Variants in PDE3A observed in about 807,000 individuals in gnomAD.
PDE3A encodes phosphodiesterase 3A, also known as cGMP-inhibited 3',5'-cyclic phosphodiesterase 3A.
In PDE3A, 43 loss-of-function variants were observed where a neutral mutation model predicts 98.3. The observed-to-expected ratio is 0.44, with a 90% CI of 0.34 to 0.56. PDE3A has a LOEUF of 0.56. PDE3A is among the 20% of genes least tolerant of loss of function. The pLI is 0.01. For synonymous variants in PDE3A, 663 were observed against 567.9 expected (o/e 1.17, Z -2.38); for missense variants, 1,427 against 1,440.7 (o/e 0.99, Z 0.15).
intron 1 of PDE3A, among the ~76,000 whole-genome samples, chr12:20,432,314 T>C (rs1453055769): frequency 6.6e-6 from 1 of 152,010 alleles, no homozygotes; most frequent in African/African-American, 2.4e-5. Flanking sequence ...GAGGGTGAAA[T>C]GGGGAGGTGT....
chr12:20,447,282 C>T (rs750669833), intron 1 of PDE3A, among the ~76,000 whole-genome samples: 1 of 152,186 alleles, frequency 6.6e-6, no homozygotes, highest in Non-Finnish European at 1.5e-5. Context: ...TGTATTTGGT[C>T]TTCATCCCTG....
intron 2 of PDE3A, among the ~76,000 whole-genome samples, chr12:20,567,466 C>A (rs1276224951): frequency 6.6e-6 from 1 of 151,964 alleles, no homozygotes; most frequent in East Asian, 1.9e-4. Context: ...TATTGTAGGA[C>A]AGCATATTAT....
At chr12:20,452,619 A>G (rs1273928730) in intron 1 of PDE3A, among the ~76,000 whole-genome samples, 1 of 152,188 alleles carries the variant, frequency 6.6e-6, no homozygotes, top group Non-Finnish European at 1.5e-5. Context: ...AACATTTGCT[A>G]TATTTGTTTG....
Position 20,552,060 on chromosome 12 carries a change from A to C in PDE3A, c.961-4600A>C. ...ACGTGGACCATGGGAATTTTTTCAC[A>C]TACACGGGTAGTGGTGGTCGAGAGC... On this transcript the variant is annotated intron_variant, in intron 1 of 15. Transcript: ENST00000359062. The surrounding 1 kb of genome is among the most constrained non-coding windows in gnomAD (Gnocchi z 5.1). The C allele has an allele frequency of 2.5e-6, 4 of 1,612,386 alleles. No homozygotes were observed. The highest frequency in any genetic ancestry group is 3.4e-6 in the Non-Finnish European group (4 of 1,179,892).
Position 20,369,361 on chromosome 12 carries a change from G to A in PDE3A, c.77G>A (p.Gly26Asp). ...GGGGTGAGTCAAGCCCCCACGGCGG[G>A]CCGGGACTGCCACCATCGTGCGGAC... ...HSGVSQAPTAGRDCHHRADPA... is the reference protein window; with the variant it reads ...HSGVSQAPTADRDCHHRADPA... The change falls in exon 1 of 16, where the codon GGC becomes GAC. Residue 26 changes from glycine (G) to aspartate (D), a missense_variant. By Grantham distance (94) the Gly-to-Asp change is moderately conservative (BLOSUM62 -1). Coordinates refer to ENST00000359062, the MANE Select transcript of PDE3A (RefSeq NM_000921.5). The A allele has an allele frequency of 1.9e-6, 3 of 1,549,006 alleles. No homozygotes were observed. Among genetic ancestry groups the A allele is most frequent in the Non-Finnish European group, 2.6e-6 (3 of 1,146,764 alleles).
intron 1 of PDE3A, among the ~76,000 whole-genome samples, chr12:20,471,893 A>G (rs1945445793): frequency 1.3e-5 from 2 of 152,128 alleles, no homozygotes. Flanking sequence ...TCAGGATGTA[A>G]ATGAAATGGT....
In PDE3A at chr12:20,527,493, A is replaced by T. The variant is rs1206597822; in HGVS notation, c.961-29167A>T. ...AATAGAAAGGCTATGAGCTTGATGC[A>T]CAGTTTCTTTTCTTTTTCCTGGGTC... On this transcript the variant is annotated intron_variant, in intron 1 of 15. Transcript: ENST00000359062. Among the ~76,000 whole-genome samples the T allele has an allele frequency of 2.0e-5, 3 of 152,084 alleles. No homozygotes were observed. The East Asian group carries it at 5.8e-4, about 29-fold the overall frequency.
At chr12:20,606,051 T>C (rs1361652985) in intron 2 of PDE3A, among the ~76,000 whole-genome samples, 2 of 152,194 alleles carry the variant, frequency 1.3e-5, no homozygotes, top group Non-Finnish European at 2.9e-5. Context: ...TATCAAGAAT[T>C]GGATGCATTA....
intron 2 of PDE3A, among the ~76,000 whole-genome samples, chr12:20,590,209 G>A (rs55729847): frequency 0.13 from 20,210 of 151,860 alleles, 1,521 homozygotes; most frequent in East Asian, 0.29. Flanking sequence ...CTGCTGCTGA[G>A]TGTATTCATT....
chr12:20,633,745 A>C lies in PDE3A; in HGVS notation c.1813A>C (p.Ser605Arg), dbSNP rs759431662. Reference protein sequence around the residue: ...GNPADEPLERSGVATRTPSRT... With the variant: ...GNPADEPLERRGVATRTPSRT... ...TCCTGCTGATGAGCCCCTGGAGAGA[A>C]GTGGGGTAGCCACTCGGACACCAAG... The change falls in exon 7 of 16, where the codon AGT (serine) becomes CGT (arginine). Residue 605 changes from serine to arginine, a missense_variant. Coordinates refer to ENST00000359062, the MANE Select transcript of PDE3A (RefSeq NM_000921.5). 2 of 1,610,254 alleles carry C rather than the reference A, an allele frequency of 1.2e-6. No individual in the cohort carries two copies. Among genetic ancestry groups the C allele is most frequent in the Admixed American group, 3.4e-5 (2 of 59,398 alleles).
intron 1 of PDE3A, among the ~76,000 whole-genome samples, chr12:20,512,395 T>C (rs1279038716): frequency 6.6e-6 from 1 of 152,110 alleles, no homozygotes; most frequent in Non-Finnish European, 1.5e-5. Flanking sequence ...TTGAAGCTGC[T>C]CTTATACCAA....
intron 1 of PDE3A, among the ~76,000 whole-genome samples, chr12:20,375,858 G>C (rs1352112377): frequency 6.6e-6 from 1 of 151,840 alleles, no homozygotes; most frequent in Non-Finnish European, 1.5e-5. Flanking sequence ...CTGGCTCCAG[G>C]ACTCATTCAT....
At chr12:20,627,272 C>A (rs1237813717) in intron 5 of PDE3A, among the ~76,000 whole-genome samples, 2 of 151,814 alleles carry the variant, frequency 1.3e-5, no homozygotes, top group Non-Finnish European at 2.9e-5. Context: ...ACAGCAATTA[C>A]TTTTAATTGC....
At chr12:20,404,268 CA>C (rs900381456) in intron 1 of PDE3A, among the ~76,000 whole-genome samples, 4 of 151,924 alleles carry the variant, frequency 2.6e-5, no homozygotes, top group African/African-American at 7.2e-5. Context: ...AACTTTATCT[CA>C]GGGGGGATAT....
At chr12:20,403,350 A>G (rs1944169161) in intron 1 of PDE3A, among the ~76,000 whole-genome samples, 1 of 152,152 alleles carries the variant, frequency 6.6e-6, no homozygotes, top group Non-Finnish European at 1.5e-5. Flanking sequence ...GTTAGCAGGT[A>G]TCTTTGTTTC....
Position 20,680,158 on chromosome 12 carries a change from G to A in PDE3A, c.3313G>A (p.Asp1105Asn). ...RLAGIENQSLDQTPQSHSSEQ... is the reference protein window; with the variant it reads ...RLAGIENQSLNQTPQSHSSEQ... ...GGCAGGCATAGAAAATCAATCCCTG[G>A]ACCAGACCCCTCAGTCGCACTCTTC... Residue 1105 changes from aspartate (D) to asparagine (N), a missense_variant, in exon 16 of 16, where the codon GAC becomes AAC. Asp to Asn is a conservative substitution (Grantham distance 23, BLOSUM62 1). Transcript: ENST00000359062. 1.2e-6 allele frequency: 2 copies of A among 1,613,848 alleles called. No homozygotes were observed. The highest frequency in any genetic ancestry group is 2.2e-5 in the South Asian group (2 of 91,072).
At chr12:20,403,620 A>G (rs1209508435) in intron 1 of PDE3A, among the ~76,000 whole-genome samples, 1 of 152,116 alleles carries the variant, frequency 6.6e-6, no homozygotes, top group East Asian at 1.9e-4. Flanking sequence ...CTTAAAGAGA[A>G]TGAAGTCATT....
At chr12:20,613,141 T>C (rs2121452485) in intron 2 of PDE3A, among the ~76,000 whole-genome samples, 1 of 152,198 alleles carries the variant, frequency 6.6e-6, no homozygotes, top group African/African-American at 2.4e-5. Context: ...GATATGAAGT[T>C]TTTCTTCCCC....
chr12:20,549,999 G>T, intron 1 of PDE3A, among the ~76,000 whole-genome samples: 1 of 152,082 alleles, frequency 6.6e-6, no homozygotes, highest in East Asian at 1.9e-4. Context: ...GAGTGTTTTT[G>T]TTCTTTGACT....
Sources: gnomAD v4.1 joint callset for allele counts (sites outside exome capture counted in the v4.1 genomes callset) on GRCh38, gnomAD v4.1.1 for gene constraint, Gnocchi (gnomAD v3.1) non-coding constraint, MANE v1.5 for transcripts, NCBI Gene and HGNC (gene_info 2026-07-23, HGNC 2026-07-21) for gene names.